Variants in ZC3H3 observed in about 807,000 individuals in gnomAD.
The protein encoded by ZC3H3 is zinc finger CCCH-type containing 3.
ZC3H3 carries 36 observed loss-of-function variants against 77.3 expected under a neutral mutation model. The observed-to-expected ratio is 0.47, with a 90% confidence interval of 0.36 to 0.61. The LOEUF (loss-of-function observed/expected upper bound fraction) is 0.61. ZC3H3 is among the 20% of genes least tolerant of loss of function. The probability of loss-of-function intolerance (pLI) is 0.00; values close to 1 mark genes in which losing one functional copy is unlikely to be tolerated. For missense variants in ZC3H3, 1,331 were observed against 1,312.2 expected (o/e 1.01, Z -0.22); for synonymous variants, 626 against 555.2 (o/e 1.13, Z -1.79).
chr8:143,526,344 G>A (rs1411668246), intron 3 of ZC3H3, among the ~76,000 whole-genome samples: 1 of 152,258 alleles, frequency 6.6e-6, no homozygotes, highest in Non-Finnish European at 1.5e-5. Flanking sequence ...TGGAGAATGA[G>A]TGGCAGGAAG....
chr8:143,532,295 C>T (rs1398758784), intron 3 of ZC3H3, among the ~76,000 whole-genome samples: 2 of 152,374 alleles, frequency 1.3e-5, no homozygotes, highest in East Asian at 1.9e-4. Context: ...GCCACTGGGC[C>T]GCACGGCAAG....
intron 3 of ZC3H3, among the ~76,000 whole-genome samples, chr8:143,527,041 G>C (rs1031818778): frequency 3.3e-5 from 5 of 152,172 alleles, no homozygotes; most frequent in African/African-American, 1.2e-4. Context: ...GGCCAGCAGG[G>C]GTGGCCATCG....
intron 3 of ZC3H3, among the ~76,000 whole-genome samples, chr8:143,510,317 A>C (rs1240787508): frequency 6.6e-6 from 1 of 152,156 alleles, no homozygotes; most frequent in African/African-American, 2.4e-5. Flanking sequence ...GTGTGGGCCC[A>C]AGCTGGGCTC....
chr8:143,535,104 G>C (rs192319250), intron 3 of ZC3H3, among the ~76,000 whole-genome samples: 14 of 152,090 alleles, frequency 9.2e-5, no homozygotes, highest in African/African-American at 3.4e-4. Flanking sequence ...GAATGCAATG[G>C]AACGATCTCG....
chr8:143,513,491 G>A (rs759777001), intron 3 of ZC3H3, among the ~76,000 whole-genome samples: 37 of 152,314 alleles, frequency 2.4e-4, no homozygotes, highest in Non-Finnish European at 3.1e-4. Context: ...AAGGAGTCCC[G>A]TCAGGCAGCG....
chr8:143,462,107 G>A lies in ZC3H3; in HGVS notation c.2307+3610C>T, dbSNP rs554954082. Among the ~76,000 whole-genome samples, 1 of 152,210 alleles carries A rather than the reference G, an allele frequency of 6.6e-6. No individual in the cohort carries two copies. The highest frequency in any genetic ancestry group is 2.1e-4 in the South Asian group (1 of 4,822). Reference sequence around the variant, plus strand: ...AACACGCAAATGAAGAACAGCAAACGGCAGCCGACTTGTAGGGAGGCCTCC... The same window carrying A: ...AACACGCAAATGAAGAACAGCAAACAGCAGCCGACTTGTAGGGAGGCCTCC... On this transcript the variant is annotated intron_variant, in intron 9 of 11. Transcript: ENST00000262577. This position sits in a 1 kb window ranked among gnomAD's most constrained non-coding sequence, Gnocchi z 4.7.
chr8:143,480,392 C>G (rs981616923), intron 4 of ZC3H3, among the ~76,000 whole-genome samples: 1 of 152,252 alleles, frequency 6.6e-6, no homozygotes, highest in Non-Finnish European at 1.5e-5. Flanking sequence ...CACACTCTAC[C>G]CACTCCGAGG....
chr8:143,448,869 T>C (rs1296716869), intron 9 of ZC3H3, among the ~76,000 whole-genome samples: 2 of 152,242 alleles, frequency 1.3e-5, no homozygotes, highest in Non-Finnish European at 2.9e-5. Flanking sequence ...CTTTTCCACG[T>C]ATCCTCTGAA....
chr8:143,490,428 AGGCCCAGCCCAGAGACCACCCG>A (rs1245526267), intron 4 of ZC3H3, among the ~76,000 whole-genome samples: 3 of 152,126 alleles, frequency 2.0e-5, no homozygotes, highest in Admixed American at 6.5e-5. Context: ...GTGACCACCC[AGGCCCAGCCCAGAGACCACCCG>A]GGCCCAGCCC....
chr8:143,450,404 C>T (rs144888710), intron 9 of ZC3H3, among the ~76,000 whole-genome samples: 3,047 of 152,316 alleles, frequency 0.02, 109 homozygotes, highest in African/African-American at 0.07. Flanking sequence ...TGATCTTGAA[C>T]TCCTGGCCTC....
At chr8:143,440,642 G>C (rs1819715853) in intron 10 of ZC3H3, among the ~76,000 whole-genome samples, 1 of 152,188 alleles carries the variant, frequency 6.6e-6, no homozygotes, top group Non-Finnish European at 1.5e-5. Context: ...GGATGAGGGG[G>C]CCCCCAGACT....
intron 4 of ZC3H3, among the ~76,000 whole-genome samples, chr8:143,479,859 GGAGA>G (rs573481261): frequency 9.5e-4 from 144 of 152,342 alleles, no homozygotes; most frequent in African/African-American, 3.3e-3. Context: ...GCAGTAATGG[GGAGA>G]AAGACACACA....
intron 4 of ZC3H3, among the ~76,000 whole-genome samples, chr8:143,486,201 G>A (rs528623795): frequency 1.1e-4 from 16 of 152,370 alleles, no homozygotes; most frequent in South Asian, 8.3e-4. Flanking sequence ...AACACCACAC[G>A]GCAGGGAAAA....
chr8:143,541,425 C>G lies in ZC3H3; in HGVS notation c.-4G>C. On this transcript the variant is annotated 5_prime_UTR_variant, in exon 1 of 12. Coordinates refer to ENST00000262577, the MANE Select transcript of ZC3H3 (RefSeq NM_015117.3). ...GTAATATCTCCTTTTCCTCCATCTC[C>G]CGAGTCCGCGACGGCCGGCCAGGCC... is the stretch of plus-strand genomic sequence containing the variant. 1 of 1,611,772 alleles carries G rather than the reference C, an allele frequency of 6.2e-7. No homozygotes were observed. Among genetic ancestry groups the G allele is most frequent in the Non-Finnish European group, 8.5e-7 (1 of 1,179,390 alleles).
chr8:143,446,685 G>A (rs946610974), intron 9 of ZC3H3, among the ~76,000 whole-genome samples: 2 of 152,260 alleles, frequency 1.3e-5, no homozygotes, highest in African/African-American at 2.4e-5. Context: ...GTTGAACACA[G>A]CCTTCACAGA....
intron 4 of ZC3H3, among the ~76,000 whole-genome samples, chr8:143,501,679 T>C (rs1267086151): frequency 6.6e-6 from 1 of 151,560 alleles, no homozygotes; most frequent in Non-Finnish European, 1.5e-5. Context: ...TAAAGATTCA[T>C]CCCACGGTCC....
intron 3 of ZC3H3, among the ~76,000 whole-genome samples, chr8:143,517,993 G>T (rs1044402926): frequency 2.0e-5 from 3 of 151,844 alleles, no homozygotes; most frequent in Admixed American, 1.3e-4. Flanking sequence ...CGAGGCCCTG[G>T]CCACCACGTC....
rs1224032369 is a variant in ZC3H3 at position 143,507,738 on chromosome 8, C to CT, written c.1715+7dup. 1 of 1,559,292 alleles carries CT rather than the reference C, an allele frequency of 6.4e-7. No individual in the cohort carries two copies. Among genetic ancestry groups the CT allele is most frequent in the Non-Finnish European group, 8.7e-7 (1 of 1,153,128 alleles). The stretch of plus-strand genomic sequence containing the variant: ...AGGCCTGCAGGAGCCTGCAGGAAGC[C>CT]TTCCTACCTGGATAGTGAGAGCCGC... On this transcript the variant is annotated splice_region_variant and intron_variant, in intron 4 of 11. Coordinates refer to ENST00000262577, the MANE Select transcript of ZC3H3 (RefSeq NM_015117.3).
intron 9 of ZC3H3, among the ~76,000 whole-genome samples, chr8:143,459,855 G>A (rs942029520): frequency 4.6e-5 from 7 of 152,254 alleles, no homozygotes; most frequent in African/African-American, 7.2e-5. Context: ...CATAGCTTAC[G>A]TCATATTCAA....
Sources: gnomAD v4.1 joint callset for allele counts (sites outside exome capture counted in the v4.1 genomes callset) on GRCh38, gnomAD v4.1.1 for gene constraint, Gnocchi (gnomAD v3.1) non-coding constraint, MANE v1.5 for transcripts, NCBI Gene and HGNC (gene_info 2026-07-23, HGNC 2026-07-21) for gene names.